Variants in C3orf49 observed in about 807,000 individuals in gnomAD.
C3orf49 encodes putative uncharacterized protein C3orf49.
In C3orf49, 27 loss-of-function variants were observed where a neutral mutation model predicts 13.3. The observed-to-expected ratio is 2.02, with a 90% CI of 1.49 to 2.79. C3orf49 has a LOEUF of 2.79. C3orf49 is among the 30% of genes most tolerant of loss of function. The pLI, the probability that C3orf49 is intolerant of heterozygous loss-of-function variation, is 0.00. For synonymous variants in C3orf49, 87 were observed against 47.6 expected, an observed-to-expected ratio of 1.83 and a Z score of -3.40; for missense variants, 242 against 134.2, an observed-to-expected ratio of 1.80 and a Z score of -3.97.
chr3:63,809,809 T>A, the C3orf49 span, among the ~76,000 whole-genome samples: 1 of 152,232 alleles, frequency 6.6e-6, no homozygotes. Context: ...CCTGTAGGTC[T>A]CTGCTATTAG....
intron 5 of C3orf49, among the ~76,000 whole-genome samples, chr3:63,843,677 C>T (rs1323012156): frequency 6.6e-6 from 1 of 151,960 alleles, no homozygotes; most frequent in Non-Finnish European, 1.5e-5. Flanking sequence ...AAGGTGGGCG[C>T]ATCACGAGGT....
the C3orf49 span, among the ~76,000 whole-genome samples, chr3:63,808,465 G>A: frequency 2.6e-5 from 4 of 152,216 alleles, no homozygotes; most frequent in African/African-American, 7.2e-5. Context: ...GGCTTACTTT[G>A]TATTTTTCTC....
In C3orf49 at chr3:63,839,894, G is replaced by A. The variant is rs900196679; in HGVS notation, c.850-5129G>A. 134 of 751,222 alleles carry A rather than the reference G, an allele frequency of 1.8e-4. 1 individual carries two copies. The highest frequency in any genetic ancestry group is 1.1e-3 in the Admixed American group (44 of 39,068). The allele number at this position is 751,222 out of a possible 1,614,324, so 46.5% of individuals were successfully genotyped here. On this transcript the variant is annotated intron_variant, in intron 5 of 6. Coordinates refer to ENST00000295896, the MANE Select transcript of C3orf49 (RefSeq NM_001355236.2). ...TTATTGAAATGTAAATGCATTTAATGCCACTGAACTGTACACTTAAAAATG... is the reference window on the plus strand; with the variant it reads ...TTATTGAAATGTAAATGCATTTAATACCACTGAACTGTACACTTAAAAATG...
At chr3:63,824,325 G>A (rs963421287) in intron 2 of C3orf49, among the ~76,000 whole-genome samples, 2 of 152,162 alleles carry the variant, frequency 1.3e-5, no homozygotes, top group Admixed American at 6.5e-5. Context: ...CAGTGGAGGG[G>A]GTAGTGAGAC....
the C3orf49 span, among the ~76,000 whole-genome samples, chr3:63,808,289 C>A: frequency 6.6e-6 from 1 of 152,134 alleles, no homozygotes. Context: ...TACATAAATT[C>A]ATTATGTTTT....
At position 63,819,590 on chromosome 3, in the gene C3orf49, T is replaced by C. The variant is rs1304075705; in HGVS notation, c.119T>C (p.Ile40Thr). 5 of 703,442 alleles carry C rather than the reference T, an allele frequency of 7.1e-6. No homozygotes were observed. In the South Asian group the frequency reaches 7.4e-5, roughly 10 times the overall value. The allele number at this position is 703,442 out of a possible 1,614,324, so 43.6% of individuals were successfully genotyped here. ...AATGGCTCATTCAAAAGGAAGGGGA[T>C]AGAAAGGTAACAGAGATTCATTTCC... ...KKNGSFKRKG[I>T]ERWHRAVSTN... The change falls in exon 1 of 7, where the codon ATA becomes ACA. Residue 40 changes from isoleucine to threonine, a missense_variant. Physicochemically the swap from Ile to Thr is moderately conservative, Grantham distance 89 (BLOSUM62 -1). Transcript: ENST00000295896.
At chr3:63,796,910 G>A in the C3orf49 span, among the ~76,000 whole-genome samples, 1 of 151,802 alleles carries the variant, frequency 6.6e-6, no homozygotes, top group Admixed American at 6.6e-5. Context: ...TTTTTTGCAG[G>A]ACAGGTGTCT....
chr3:63,846,769 T>C (rs1276173999), intron 6 of C3orf49, among the ~76,000 whole-genome samples: 1 of 152,132 alleles, frequency 6.6e-6, no homozygotes, highest in Non-Finnish European at 1.5e-5. Flanking sequence ...TATGTGTTGG[T>C]GTACTCTAGG....
At chr3:63,824,189 A>AAT (rs1701438032) in intron 2 of C3orf49, among the ~76,000 whole-genome samples, 1 of 152,014 alleles carries the variant, frequency 6.6e-6, no homozygotes, top group South Asian at 2.1e-4. Context: ...TTTTTATTTA[A>AAT]ATATATATGT....
At chr3:63,814,518 A>G (rs1020612357), upstream of C3orf49, among the ~76,000 whole-genome samples, 7 of 152,146 alleles carry the variant, frequency 4.6e-5, no homozygotes, top group African/African-American at 1.7e-4. Flanking sequence ...ATGCAATCTC[A>G]GACATGTTCA....
At chr3:63,798,819 A>C in the C3orf49 span, among the ~76,000 whole-genome samples, 1 of 152,150 alleles carries the variant, frequency 6.6e-6, no homozygotes, top group South Asian at 2.1e-4. Context: ...CATTGCATAG[A>C]CCTTCCAAAT....
intron 2 of C3orf49, among the ~76,000 whole-genome samples, chr3:63,826,081 A>C (rs1701462105): frequency 6.6e-6 from 1 of 152,198 alleles, no homozygotes; most frequent in Non-Finnish European, 1.5e-5. Context: ...AATCCAGTGG[A>C]GGTTGGAACA....
upstream of C3orf49, among the ~76,000 whole-genome samples, chr3:63,818,753 A>C (rs1212372014): frequency 1.3e-5 from 2 of 152,190 alleles, no homozygotes; most frequent in Non-Finnish European, 2.9e-5. Context: ...AAGTTCCATC[A>C]CAGGCAGAAT....
At chr3:63,833,494 A>C (rs975139698) in intron 5 of C3orf49, 2 of 152,232 alleles carry the variant, frequency 1.3e-5, no homozygotes, top group Admixed American at 6.6e-5. Context: ...AGAACAAAAC[A>C]GTAGAGAAAA....
chr3:63,803,124 C>A, the C3orf49 span, among the ~76,000 whole-genome samples: 1 of 152,190 alleles, frequency 6.6e-6, no homozygotes, highest in Non-Finnish European at 1.5e-5. Context: ...TAAATCTGTT[C>A]TCTTTACAAT....
At chr3:63,816,372 C>A (rs533243063), upstream of C3orf49, among the ~76,000 whole-genome samples, 1 of 152,168 alleles carries the variant, frequency 6.6e-6, no homozygotes, top group South Asian at 2.1e-4. Context: ...AGGTGGATCA[C>A]CTGAGCTCAG....
intron 6 of C3orf49, among the ~76,000 whole-genome samples, chr3:63,845,814 C>A (rs1701880305): frequency 6.6e-6 from 1 of 152,090 alleles, no homozygotes; most frequent in Non-Finnish European, 1.5e-5. Flanking sequence ...GCCAGTCTGC[C>A]TTTTTTGTGT....
At chr3:63,787,561 A>C in the C3orf49 span, among the ~76,000 whole-genome samples, 1 of 152,092 alleles carries the variant, frequency 6.6e-6, no homozygotes, top group Non-Finnish European at 1.5e-5. Flanking sequence ...ATTTGATGAC[A>C]CTGATATGAA....
chr3:63,833,985 G>A (rs1160636307), intron 5 of C3orf49: 4 of 694,840 alleles, frequency 5.8e-6, no homozygotes, highest in Non-Finnish European at 9.2e-6. Flanking sequence ...CTTTGTGAGA[G>A]GAAATATGAA....
Sources: allele counts gnomAD v4.1 joint callset (sites outside exome capture counted in the v4.1 genomes callset), GRCh38; gene constraint gnomAD v4.1.1; transcripts MANE v1.5; gene names NCBI Gene and HGNC (gene_info 2026-07-23, HGNC 2026-07-21).